The following GRM8 variants were observed in gnomAD, a reference collection of about 807,000 sequenced individuals.
GRM8 encodes metabotropic glutamate receptor 8.
Under a neutral mutation model 87.2 loss-of-function variants are expected in GRM8, and 47 were observed. The ratio of observed to expected loss-of-function variants is 0.54; its 90% CI spans 0.43 to 0.69. The LOEUF (loss-of-function observed/expected upper bound fraction) is 0.69, where lower values mean the gene tolerates loss of function less well. Ranked by LOEUF, GRM8 falls within the 30% of genes least tolerant of loss-of-function variation. The pLI, the probability that GRM8 is intolerant of heterozygous loss-of-function variation, is 0.00. For synonymous variants in GRM8, 396 were observed against 404.5 expected, an observed-to-expected ratio of 0.98 and a Z score of 0.25; for missense variants, 1,019 against 1,139.2, an observed-to-expected ratio of 0.89 and a Z score of 1.52.
intron 6 of GRM8, among the ~76,000 whole-genome samples, chr7:126,855,954 G>A (rs966415050): frequency 2.0e-5 from 3 of 152,162 alleles, no homozygotes; most frequent in Non-Finnish European, 4.4e-5. Flanking sequence ...GATGCCATTT[G>A]CCATGTGAAG....
At chr7:126,770,829 C>T (rs936220236) in intron 6 of GRM8, among the ~76,000 whole-genome samples, 2 of 151,734 alleles carry the variant, frequency 1.3e-5, no homozygotes, top group Non-Finnish European at 1.5e-5. Flanking sequence ...ATTTTGAAAG[C>T]GAGGAAACTA....
intron 6 of GRM8, among the ~76,000 whole-genome samples, chr7:126,892,580 A>G (rs1301771277): frequency 6.6e-6 from 1 of 152,146 alleles, no homozygotes; most frequent in Non-Finnish European, 1.5e-5. Context: ...TATTGTGAAT[A>G]GTGCCTCAAT....
At chr7:127,032,464 A>G (rs565146906) in intron 3 of GRM8, among the ~76,000 whole-genome samples, 1 of 152,234 alleles carries the variant, frequency 6.6e-6, no homozygotes, top group African/African-American at 2.4e-5. Context: ...CTCCTGGGAC[A>G]CTCAAATTGT....
At chr7:127,129,699 C>T (rs976030033) in intron 2 of GRM8, among the ~76,000 whole-genome samples, 22 of 152,120 alleles carry the variant, frequency 1.4e-4, no homozygotes, top group Non-Finnish European at 2.8e-4. Context: ...GCAGCCCAAT[C>T]GTGAATGTAG....
intron 9 of GRM8, among the ~76,000 whole-genome samples, chr7:126,492,429 G>A (rs1376939365): frequency 2.0e-5 from 3 of 151,986 alleles, no homozygotes; most frequent in African/African-American, 4.8e-5. Context: ...CAATCAATGA[G>A]TACAGTGTTA....
At chr7:126,824,229 G>C (rs1371234368) in intron 6 of GRM8, among the ~76,000 whole-genome samples, 1 of 152,152 alleles carries the variant, frequency 6.6e-6, no homozygotes, top group African/African-American at 2.4e-5. Flanking sequence ...TCCAGTGGCA[G>C]ACAGCCTGGG....
intron 8 of GRM8, among the ~76,000 whole-genome samples, chr7:126,553,275 C>T (rs989745782): frequency 6.6e-6 from 1 of 152,076 alleles, no homozygotes; most frequent in Non-Finnish European, 1.5e-5. Context: ...ATGTACTCTT[C>T]TTTGTATAAA....
chr7:126,451,950 A>G (rs1802656261), intron 9 of GRM8, among the ~76,000 whole-genome samples: 1 of 151,658 alleles, frequency 6.6e-6, no homozygotes, highest in South Asian at 2.1e-4. Flanking sequence ...TTACTCATTT[A>G]ATGTATGTGG....
Position 126,446,259 on chromosome 7 carries a change from A to G in GRM8, c.2544T>C (p.Asn848=), listed in dbSNP as rs1432923388. The G allele has an allele frequency of 1.2e-6, 2 of 1,612,870 alleles. No individual in the cohort carries two copies. Among genetic ancestry groups the G allele is most frequent in the Non-Finnish European group, 1.7e-6 (2 of 1,179,274 alleles). ...TGAAGCTCCTCTTGCGTTTTTGAAC[A>G]TTCTGTTCTGGATGAAAAATTATAA... ...VYIIIFHPEQ[N]VQKRKRSFKA... is the part of the protein sequence containing the mutation. Residue 848 remains asparagine, a synonymous_variant, in exon 10 of 11, where the codon AAT becomes AAC. Coordinates refer to ENST00000339582, the MANE Select transcript of GRM8 (RefSeq NM_000845.3).
At chr7:126,532,798 T>C (rs1232328680) in intron 9 of GRM8, among the ~76,000 whole-genome samples, 154 bp downstream of exon 9, 1 of 49,644 alleles carries the variant, frequency 2.0e-5, no homozygotes, top group African/African-American at 7.2e-5. Flanking sequence ...TATATATATA[T>C]ATATATATAT....
chr7:127,162,686 T>C (rs972842706), intron 2 of GRM8, among the ~76,000 whole-genome samples: 1 of 152,230 alleles, frequency 6.6e-6, no homozygotes, highest in African/African-American at 2.4e-5. Flanking sequence ...AACTGCCTTT[T>C]ACTGGAGGCT....
intron 3 of GRM8, among the ~76,000 whole-genome samples, chr7:127,055,736 A>G (rs1819917546): frequency 6.6e-6 from 1 of 152,084 alleles, no homozygotes; most frequent in South Asian, 2.1e-4. Flanking sequence ...CAAAGCCCTC[A>G]TTAGCTCAGA....
intron 8 of GRM8, among the ~76,000 whole-genome samples, chr7:126,568,594 A>G (rs1794439137): frequency 6.6e-6 from 1 of 152,156 alleles, no homozygotes; most frequent in Admixed American, 6.6e-5. Context: ...CTGACTTTGA[A>G]GTAAATGATT....
chr7:127,210,592 T>A (rs761556212), intron 2 of GRM8, among the ~76,000 whole-genome samples: 1 of 152,162 alleles, frequency 6.6e-6, no homozygotes, highest in African/African-American at 2.4e-5. Context: ...CTAGCATACA[T>A]GATAAATTTT....
At chr7:126,630,625 C>T (rs1169973395) in intron 7 of GRM8, among the ~76,000 whole-genome samples, 4 of 151,922 alleles carry the variant, frequency 2.6e-5, no homozygotes, top group Non-Finnish European at 5.9e-5. Context: ...AATGGAAAAA[C>T]GCTCAACAAA....
intron 8 of GRM8, among the ~76,000 whole-genome samples, chr7:126,579,048 G>A (rs760782319): frequency 6.6e-6 from 1 of 151,826 alleles, no homozygotes; most frequent in Non-Finnish European, 1.5e-5. Context: ...GGTATGAAAT[G>A]GTATTTTTCT....
At chr7:127,007,630 T>C (rs764436407) in intron 3 of GRM8, among the ~76,000 whole-genome samples, 4 of 152,144 alleles carry the variant, frequency 2.6e-5, no homozygotes, top group Admixed American at 1.3e-4. Flanking sequence ...TTTTGAAAGT[T>C]CAGGCCAAGA....
intron 3 of GRM8, among the ~76,000 whole-genome samples, chr7:127,051,564 C>G (rs1486424706): frequency 6.6e-6 from 1 of 151,802 alleles, no homozygotes; most frequent in Non-Finnish European, 1.5e-5. Flanking sequence ...GCAAAAACAA[C>G]TATATATACA....
intron 7 of GRM8, among the ~76,000 whole-genome samples, chr7:126,674,578 A>C (rs890779609): frequency 1.3e-5 from 2 of 152,214 alleles, no homozygotes; most frequent in African/African-American, 4.8e-5. Context: ...GGCATTCAAG[A>C]ACTCACAGTA....
Sources: allele counts gnomAD v4.1 joint callset (sites outside exome capture counted in the v4.1 genomes callset), GRCh38; gene constraint gnomAD v4.1.1; transcripts MANE v1.5; gene names NCBI Gene and HGNC (gene_info 2026-07-23, HGNC 2026-07-21).